STAG1: variants seen among roughly 807,000 people sequenced by gnomAD.
STAG1 encodes the protein cohesin subunit SA-1.
Under a neutral mutation model 170.9 loss-of-function variants are expected in STAG1, and 26 were observed. The observed-to-expected ratio is 0.15, with a 90% CI of 0.11 to 0.21. The LOEUF (loss-of-function observed/expected upper bound fraction) is 0.21, where lower values mean the gene tolerates loss of function less well. Among genes scored for constraint, STAG1 ranks in the 10% least tolerant of loss-of-function variants. The pLI, the probability that STAG1 is intolerant of heterozygous loss-of-function variation, is 1.00. For synonymous variants in STAG1, 514 were observed against 497.7 expected (o/e 1.03, Z -0.44); for missense variants, 964 against 1,509.5 (o/e 0.64, Z 5.99).
chr3:136,514,728 A>C (rs1934259880), intron 7 of STAG1, among the ~76,000 whole-genome samples: 1 of 152,248 alleles, frequency 6.6e-6, no homozygotes, highest in Non-Finnish European at 1.5e-5. Flanking sequence ...AATACTATGC[A>C]GCCATAAAAA....
At chr3:136,373,026 G>A (rs1228250366) in intron 23 of STAG1, among the ~76,000 whole-genome samples, 5 of 151,646 alleles carry the variant, frequency 3.3e-5, no homozygotes, top group African/African-American at 1.2e-4. Context: ...CAATTTCAGA[G>A]CCTGTTATTG....
intron 21 of STAG1, among the ~76,000 whole-genome samples, chr3:136,410,673 A>C (rs1163034542): frequency 6.6e-6 from 1 of 152,218 alleles, no homozygotes; most frequent in East Asian, 1.9e-4. Flanking sequence ...AAAAGACTTA[A>C]ATGTAAAAGA....
chr3:136,412,115 A>C (rs780381625), intron 21 of STAG1, among the ~76,000 whole-genome samples: 2 of 152,200 alleles, frequency 1.3e-5, no homozygotes, highest in Non-Finnish European at 2.9e-5. Context: ...TTTGAGAACC[A>C]AAATAAAAAA....
chr3:136,501,402 C>T (rs1053440137), intron 8 of STAG1, among the ~76,000 whole-genome samples: 2 of 152,112 alleles, frequency 1.3e-5, no homozygotes, highest in Non-Finnish European at 2.9e-5. Context: ...AAGATGCAGC[C>T]ATACTGGAGT....
At chr3:136,385,731 T>C (rs984665221) in intron 22 of STAG1, among the ~76,000 whole-genome samples, 1 of 152,112 alleles carries the variant, frequency 6.6e-6, no homozygotes, top group African/African-American at 2.4e-5. Context: ...AGACAGGGTC[T>C]CACTATGTCT....
At chr3:136,662,650 G>T (rs1288528710) in intron 1 of STAG1, among the ~76,000 whole-genome samples, 1 of 152,074 alleles carries the variant, frequency 6.6e-6, no homozygotes, top group East Asian at 1.9e-4. Flanking sequence ...TTACCATGTT[G>T]CCCAGTCTGG....
At chr3:136,565,011 A>AAGGAAGGAAGGAAGGCAGGCAGGCAGGC (rs1207671431) in intron 5 of STAG1, among the ~76,000 whole-genome samples, 6 of 45,444 alleles carry the variant, frequency 1.3e-4, no homozygotes, top group Non-Finnish European at 1.8e-4. Flanking sequence ...GGAAGGAAGG[A>AAGGAAGGAAGGAAGGCAGGCAGGCAGGC]AGGCAGGCAG....
intron 28 of STAG1, among the ~76,000 whole-genome samples, chr3:136,356,897 C>T (rs535479309): frequency 6.6e-6 from 1 of 151,702 alleles, no homozygotes. Flanking sequence ...GGACTACAGG[C>T]ATGCACCACC....
At chr3:136,467,654 C>T (rs149255748) in intron 12 of STAG1, among the ~76,000 whole-genome samples, 15 of 152,232 alleles carry the variant, frequency 9.9e-5, no homozygotes, top group South Asian at 4.2e-4. Flanking sequence ...CTGCACCAAG[C>T]GGAATGAACA....
At chr3:136,602,557 A>G (rs1407851076) in intron 4 of STAG1, among the ~76,000 whole-genome samples, 5 of 152,038 alleles carry the variant, frequency 3.3e-5, no homozygotes, top group Non-Finnish European at 5.9e-5. Context: ...TTCTTCTATT[A>G]AAGTATAATG....
chr3:136,354,448 T>G lies in STAG1; in HGVS notation c.3065+3272A>C, dbSNP rs1230245802. Reference sequence around the variant, plus strand: ...TTCCAAGTAGCTTGGATTACAGGCATGTGCCACCATGCCCGGCTAATTTTT... The same window carrying G: ...TTCCAAGTAGCTTGGATTACAGGCAGGTGCCACCATGCCCGGCTAATTTTT... On this transcript the variant is annotated intron_variant, in intron 28 of 33. Transcript: ENST00000383202. Among the ~76,000 whole-genome samples, 222 of 152,076 alleles carry G rather than the reference T, an allele frequency of 1.5e-3. 3 individuals carry two copies. Among genetic ancestry groups the G allele is most frequent in the Non-Finnish European group, 2.2e-4 (15 of 67,980 alleles).
intron 7 of STAG1, among the ~76,000 whole-genome samples, chr3:136,511,197 C>A (rs1267343367): frequency 2.0e-5 from 3 of 152,240 alleles, no homozygotes; most frequent in African/African-American, 7.2e-5. Flanking sequence ...TTTCCTGAGG[C>A]TTCCCTAGCA....
At chr3:136,373,505 T>C (rs1189787266) in intron 23 of STAG1, among the ~76,000 whole-genome samples, 4 of 152,198 alleles carry the variant, frequency 2.6e-5, no homozygotes, top group African/African-American at 9.7e-5. Flanking sequence ...AATTTCCCTC[T>C]ACACACTGCT....
chr3:136,546,783 A>G (rs1337164175), intron 5 of STAG1, among the ~76,000 whole-genome samples: 1 of 152,194 alleles, frequency 6.6e-6, no homozygotes, highest in Non-Finnish European at 1.5e-5. Flanking sequence ...TTGTTTATAG[A>G]TGACATTGTA....
At chr3:136,738,492 A>G (rs1934475262) in intron 1 of STAG1, among the ~76,000 whole-genome samples, 1 of 152,108 alleles carries the variant, frequency 6.6e-6, no homozygotes, top group African/African-American at 2.4e-5. Flanking sequence ...CTCCATATCA[A>G]AAATAATAAC....
At chr3:136,724,299 C>G (rs2107933433) in intron 1 of STAG1, among the ~76,000 whole-genome samples, 1 of 151,806 alleles carries the variant, frequency 6.6e-6, no homozygotes, top group African/African-American at 2.4e-5. Flanking sequence ...GATCAGTGAC[C>G]CTACCCCCAA....
At chr3:136,503,744 T>C (rs951678132) in intron 7 of STAG1, among the ~76,000 whole-genome samples, 1 of 151,572 alleles carries the variant, frequency 6.6e-6, no homozygotes, top group African/African-American at 2.4e-5. Context: ...TTATTTTTAT[T>C]TTTTTTTTGA....
At chr3:136,563,707 T>G (rs1936937224) in intron 5 of STAG1, among the ~76,000 whole-genome samples, 1 of 151,466 alleles carries the variant, frequency 6.6e-6, no homozygotes, top group Non-Finnish European at 1.5e-5. Flanking sequence ...TTCTGCAATT[T>G]GTATTTTGCC....
intron 5 of STAG1, among the ~76,000 whole-genome samples, chr3:136,545,714 G>A (rs1241443818): frequency 6.5e-4 from 94 of 145,360 alleles, no homozygotes; most frequent in Middle Eastern, 3.5e-3. Flanking sequence ...GTGCAAAAAG[G>A]AAAAAAAAAA....
Sources: allele counts gnomAD v4.1 joint callset (sites outside exome capture counted in the v4.1 genomes callset), GRCh38; gene constraint gnomAD v4.1.1; transcripts MANE v1.5; gene names NCBI Gene and HGNC (gene_info 2026-07-23, HGNC 2026-07-21).